The following PLAA variants were observed in gnomAD, a reference collection of about 807,000 sequenced individuals.
PLAA encodes the protein phospholipase A2 activating protein, also known as phospholipase A-2-activating protein.
In PLAA, 48 loss-of-function variants were observed where a neutral mutation model predicts 84.1. That is an observed-to-expected ratio of 0.57 (90% CI 0.45 to 0.73). The LOEUF (loss-of-function observed/expected upper bound fraction) is 0.73, where lower values mean the gene tolerates loss of function less well. Ranked by LOEUF, PLAA falls within the 30% of genes least tolerant of loss-of-function variation. The pLI is 0.00. For synonymous variants in PLAA, 392 were observed against 336.6 expected, an observed-to-expected ratio of 1.16 and a Z score of -1.80; for missense variants, 903 against 954.7, an observed-to-expected ratio of 0.95 and a Z score of 0.71.
chr9:26,944,158 G>C (rs1825620631), intron 1 of PLAA, among the ~76,000 whole-genome samples: 1 of 152,168 alleles, frequency 6.6e-6, no homozygotes, highest in South Asian at 2.1e-4. Context: ...ACAAAAGCAA[G>C]TTTGGCCCCT....
At chr9:26,936,484 T>C (rs1282820846) in intron 1 of PLAA, among the ~76,000 whole-genome samples, 1 of 152,218 alleles carries the variant, frequency 6.6e-6, no homozygotes, top group Non-Finnish European at 1.5e-5. Context: ...ATGTAACTAT[T>C]ATGAAACTTT....
intron 2 of PLAA, among the ~76,000 whole-genome samples, chr9:26,931,300 GA>G (rs1398802210): frequency 6.6e-6 from 1 of 152,188 alleles, no homozygotes; most frequent in Non-Finnish European, 1.5e-5. Context: ...GATCTATACA[GA>G]AAAGTCTTGG....
chr9:26,909,036 A>G (rs1824321891), intron 12 of PLAA, among the ~76,000 whole-genome samples: 1 of 152,130 alleles, frequency 6.6e-6, no homozygotes, highest in Admixed American at 6.5e-5. Context: ...CCATGTTCTC[A>G]TTTCATGAAA....
chr9:26,935,357 C>CT, intron 1 of PLAA, 151 bp from the exon 2 acceptor site: 1 of 473,328 alleles, frequency 2.1e-6, no homozygotes, highest in Non-Finnish European at 3.6e-6. Flanking sequence ...TTGAACCTTA[C>CT]ATAATTCATA....
intron 4 of PLAA, 29 bp from the exon 5 acceptor site, chr9:26,926,589 A>G (rs1824975142): frequency 2.6e-6 from 4 of 1,555,522 alleles, no homozygotes; most frequent in Admixed American, 3.5e-5. Flanking sequence ...ATGCAAATCA[A>G]TAAAACTGAT....
At position 26,919,401 on chromosome 9, in the gene PLAA, C is replaced by G. The variant is rs1299953604; in HGVS notation, c.1326G>C (p.Met442Ile). Residue 442 changes from methionine (M) to isoleucine (I), a missense_variant, in exon 9 of 14, where the codon ATG becomes ATC. Transcript: ENST00000397292. Reference protein sequence around the residue: ...NFLQKNDLNPMFLDQVAKFII... With the variant: ...NFLQKNDLNPIFLDQVAKFII... ...TAAATTTAGCTACTTGATCCAGAAA[C>G]ATAGGATTCAAATCATTCTTCTGTA... The G allele has an allele frequency of 6.2e-7, 1 of 1,612,856 alleles. No homozygotes were observed. The highest frequency in any genetic ancestry group is 1.7e-5 in the Admixed American group (1 of 60,016).
At chr9:26,917,889 C>T (rs1017880880) in intron 9 of PLAA, among the ~76,000 whole-genome samples, 1 of 152,158 alleles carries the variant, frequency 6.6e-6, no homozygotes, top group Non-Finnish European at 1.5e-5. Context: ...CAAGTGCTTC[C>T]TAGATTTCCA....
chr9:26,923,178 C>T lies in PLAA; in HGVS notation c.1039G>A (p.Gly347Ser), dbSNP rs2131386720. ...LPGREHLNEPGTREGQTRLIR... is the reference protein window; with the variant it reads ...LPGREHLNEPSTREGQTRLIR... ...CTACTAGGTACAATAAAATACTTACCAGGTTCATTAAGATGTTCCCTCCCA... is the reference window on the plus strand; with the variant it reads ...CTACTAGGTACAATAAAATACTTACTAGGTTCATTAAGATGTTCCCTCCCA... Residue 347 changes from glycine to serine, a missense_variant and splice_region_variant, in exon 7 of 14, where the codon GGT becomes AGT. By Grantham distance (56) the Gly-to-Ser change is moderately conservative. Transcript: ENST00000397292. 6.3e-7 allele frequency: 1 copy of T among 1,580,070 alleles called. No individual in the cohort carries two copies. Among genetic ancestry groups the T allele is most frequent in the African/African-American group, 1.4e-5 (1 of 73,904 alleles).
intron 12 of PLAA, 29 bp downstream of exon 12, chr9:26,910,309 A>G (rs749764938): frequency 2.7e-6 from 4 of 1,489,038 alleles, no homozygotes; most frequent in Non-Finnish European, 3.7e-6. Flanking sequence ...GTCTGTGAAT[A>G]TGTGAATAAA....
chr9:26,936,956 C>T (rs1486035378), intron 1 of PLAA, among the ~76,000 whole-genome samples: 2 of 152,078 alleles, frequency 1.3e-5, no homozygotes, highest in Non-Finnish European at 1.5e-5. Context: ...GCCTTGCCAA[C>T]ATGGTGAAAC....
At chr9:26,906,887 G>A (rs1009211726) in intron 13 of PLAA, among the ~76,000 whole-genome samples, 7 of 151,474 alleles carry the variant, frequency 4.6e-5, no homozygotes, top group African/African-American at 9.7e-5. Context: ...TATGTGCTCC[G>A]TAATGTAAAA....
intron 11 of PLAA, among the ~76,000 whole-genome samples, chr9:26,911,373 G>C (rs142693863): frequency 8.8e-4 from 134 of 152,216 alleles, no homozygotes; most frequent in African/African-American, 3.0e-3. Flanking sequence ...GGCTGGTCTC[G>C]AACTCCTGAC....
At chr9:26,923,755 G>C (rs907433970) in intron 6 of PLAA, among the ~76,000 whole-genome samples, 1 of 152,116 alleles carries the variant, frequency 6.6e-6, no homozygotes, top group Non-Finnish European at 1.5e-5. Context: ...GACAAATATG[G>C]TCATCCTTTA....
At chr9:26,927,111 T>C (rs891646369) in intron 4 of PLAA, among the ~76,000 whole-genome samples, 1 of 145,682 alleles carries the variant, frequency 6.9e-6, no homozygotes, top group Non-Finnish European at 1.5e-5. Context: ...CATCAAAAGA[T>C]ACTTTTTTTG....
chr9:26,908,295 T>C (rs933886945), intron 12 of PLAA, among the ~76,000 whole-genome samples: 6 of 149,562 alleles, frequency 4.0e-5, no homozygotes, highest in Non-Finnish European at 8.9e-5. Flanking sequence ...GCCTCCTGAG[T>C]AGCTGGGACT....
intron 1 of PLAA, among the ~76,000 whole-genome samples, chr9:26,935,441 T>C (rs1270650395): frequency 1.3e-5 from 2 of 152,166 alleles, no homozygotes; most frequent in African/African-American, 2.4e-5. Context: ...TACGTTAACA[T>C]AGAGAACAAG....
intron 12 of PLAA, 103 bp downstream of exon 12, chr9:26,910,229 CTATTCA>C: frequency 1.4e-6 from 1 of 695,916 alleles, no homozygotes; most frequent in African/African-American, 1.8e-5. Context: ...ATAGAAATAT[CTATTCA>C]TATTAAGTAC....
intron 1 of PLAA, among the ~76,000 whole-genome samples, chr9:26,938,375 C>A (rs1825425465): frequency 6.6e-6 from 1 of 151,826 alleles, no homozygotes; most frequent in African/African-American, 2.4e-5. Flanking sequence ...CATAGCGAAA[C>A]CCCATCTTGA....
intron 6 of PLAA, among the ~76,000 whole-genome samples, chr9:26,923,664 T>C (rs1824846017): frequency 6.6e-6 from 1 of 152,180 alleles, no homozygotes; most frequent in African/African-American, 2.4e-5. Context: ...TATTACCATA[T>C]AGAGAAGGGT....
Sources: gnomAD v4.1 joint callset for allele counts (sites outside exome capture counted in the v4.1 genomes callset) on GRCh38, gnomAD v4.1.1 for gene constraint, MANE v1.5 for transcripts, NCBI Gene and HGNC (gene_info 2026-07-23, HGNC 2026-07-21) for gene names.